Variants in DACH2 observed in about 807,000 individuals in gnomAD.
The protein encoded by DACH2 is dachshund family transcription factor 2.
DACH2 carries 17 observed loss-of-function variants against 35.8 expected under a neutral mutation model. The observed-to-expected ratio is 0.48, with a 90% CI of 0.33 to 0.71. The LOEUF (loss-of-function observed/expected upper bound fraction) is 0.71. Among genes scored for constraint, DACH2 ranks in the 30% least tolerant of loss-of-function variants. The probability of loss-of-function intolerance (pLI) is 0.02; values close to 1 mark genes in which losing one functional copy is unlikely to be tolerated. For missense variants in DACH2, 469 were observed against 472.7 expected (o/e 0.99, Z 0.07); for synonymous variants, 195 against 177.3 (o/e 1.10, Z -0.79).
chrX:86,414,220 C>A (rs2036662582), intron 2 of DACH2, among the ~76,000 whole-genome samples: 1 of 111,192 alleles, frequency 9.0e-6, no homozygotes, highest in African/African-American at 3.3e-5. Context: ...AGTCTTTTGT[C>A]CATTCGACCT....
chrX:86,459,990 G>A (rs1306226488), intron 2 of DACH2, among the ~76,000 whole-genome samples: 1 of 110,446 alleles, frequency 9.1e-6, no homozygotes, highest in Non-Finnish European at 1.9e-5. Context: ...TGAACATCTA[G>A]TTTGCTCCCC....
At chrX:86,642,427 C>T (rs1418099682) in intron 3 of DACH2, among the ~76,000 whole-genome samples, 1 of 111,754 alleles carries the variant, frequency 8.9e-6, no homozygotes, top group Non-Finnish European at 1.9e-5. Flanking sequence ...TATATATGCA[C>T]CCAACACAGG....
At chrX:86,529,967 A>G (rs1000466193) in intron 3 of DACH2, among the ~76,000 whole-genome samples, 4 of 51,869 alleles carry the variant, frequency 7.7e-5, no homozygotes, top group African/African-American at 2.5e-4. Flanking sequence ...ACACACACAC[A>G]CACACACACG....
chrX:86,170,602 G>A (rs1305383981), intron 1 of DACH2, among the ~76,000 whole-genome samples: 1 of 112,124 alleles, frequency 8.9e-6, no homozygotes, highest in South Asian at 3.7e-4. Context: ...CCAATGCAAA[G>A]GAGGCTCACT....
At chrX:86,322,405 GTTCTTTT>G (rs1285611484) in intron 1 of DACH2, among the ~76,000 whole-genome samples, 1 of 110,623 alleles carries the variant, frequency 9.0e-6, no homozygotes, top group East Asian at 2.9e-4. Context: ...TAGTCTCCTT[GTTCTTTT>G]TAGTGTGACC....
At chrX:86,375,516 C>T (rs1021489922) in intron 1 of DACH2, among the ~76,000 whole-genome samples, 8 of 105,165 alleles carry the variant, frequency 7.6e-5, no homozygotes, top group Non-Finnish European at 2.0e-5. Flanking sequence ...CCCTCAAATC[C>T]AGTCATATAT....
intron 1 of DACH2, among the ~76,000 whole-genome samples, chrX:86,205,481 C>T (rs2032278158): frequency 1.9e-5 from 1 of 52,608 alleles, no homozygotes; most frequent in Admixed American, 1.9e-4. Flanking sequence ...TCCCTCCTTC[C>T]CTCCTTCCCT....
chrX:86,334,544 C>T (rs1421402636), intron 1 of DACH2, among the ~76,000 whole-genome samples: 1 of 112,519 alleles, frequency 8.9e-6, no homozygotes, highest in Non-Finnish European at 1.9e-5. Context: ...TTGCTGACTG[C>T]ATAAATGTCT....
chrX:86,315,785 G>A (rs184552419), intron 1 of DACH2, among the ~76,000 whole-genome samples: 349 of 91,398 alleles, frequency 3.8e-3, no homozygotes, highest in Middle Eastern at 0.029. Flanking sequence ...ATTGAGGGTC[G>A]TGGACACACA....
rs961289631 is a variant in DACH2 at position 86,258,473 on chromosome X, G to A, written c.488+109365G>A. On this transcript the variant is annotated intron_variant, in intron 1 of 11. Coordinates refer to ENST00000373125, the MANE Select transcript of DACH2 (RefSeq NM_053281.3). ...CTAAGGGTCATTTTGCCTCTCATCT[G>A]CACGTGCAATATCAACTGAAATAAG... Among the ~76,000 whole-genome samples the A allele has an allele frequency of 2.7e-5, 3 of 111,615 alleles. No individual in the cohort carries two copies. The South Asian group carries it at 1.1e-3, about 42-fold the overall frequency.
At chrX:86,501,128 C>A (rs1255143915) in intron 2 of DACH2, among the ~76,000 whole-genome samples, 1 of 112,500 alleles carries the variant, frequency 8.9e-6, no homozygotes. Context: ...TAAATGCTTG[C>A]TTAACACCTT....
At chrX:86,471,000 G>C (rs941007875) in intron 2 of DACH2, among the ~76,000 whole-genome samples, 2 of 110,778 alleles carry the variant, frequency 1.8e-5, no homozygotes, top group Non-Finnish European at 3.8e-5. Context: ...TGAATTAAAG[G>C]TGTTTTTTAA....
At chrX:86,369,819 T>C (rs1452061253) in intron 1 of DACH2, among the ~76,000 whole-genome samples, 1 of 111,897 alleles carries the variant, frequency 8.9e-6, no homozygotes, top group African/African-American at 3.2e-5. Flanking sequence ...AAACTTTGGC[T>C]ACTCAGAGAA....
intron 1 of DACH2, among the ~76,000 whole-genome samples, chrX:86,188,245 G>A (rs2031736738): frequency 8.9e-6 from 1 of 111,879 alleles, no homozygotes. Context: ...TCTAATTGCT[G>A]TAAATTAAAA....
rs779609605 is a variant in DACH2, at chrX:86,157,177, G to A, written c.488+8069G>A. On this transcript the variant is annotated intron_variant, in intron 1 of 11. Transcript: ENST00000373125. Reference sequence around the variant, plus strand: ...GAAAGTTAAAAAATAATAAGCCACAGTATTTTTATTGCTATATAATATTTT... The same window carrying A: ...GAAAGTTAAAAAATAATAAGCCACAATATTTTTATTGCTATATAATATTTT... Among the ~76,000 whole-genome samples, 41 of 111,364 alleles carry A rather than the reference G, an allele frequency of 3.7e-4. No individual in the cohort carries two copies. In the Admixed American group the frequency reaches 3.7e-3, roughly 10 times the overall value.
intron 7 of DACH2, among the ~76,000 whole-genome samples, chrX:86,773,962 A>G: frequency 8.9e-6 from 1 of 112,034 alleles, no homozygotes; most frequent in East Asian, 2.8e-4. Flanking sequence ...GGATTGCTGA[A>G]TCACATGGTA....
intron 2 of DACH2, among the ~76,000 whole-genome samples, chrX:86,456,815 CACTTTTAAATTT>C (rs1287281992): frequency 2.7e-5 from 3 of 110,100 alleles, no homozygotes; most frequent in Non-Finnish European, 5.7e-5. Flanking sequence ...ATTTCTCCTT[CACTTTTAAATTT>C]ACTTTTGAAG....
rs1177151266 is a variant in DACH2, at chrX:86,400,960, G to A, written c.527+24098G>A. ...GATTATTACTGTCTTTTGTTTGTCG[G>A]TGCCCTGCACCCAGAGGTGGAGCCT... is the stretch of plus-strand genomic sequence containing the variant. On this transcript the variant is annotated intron_variant, in intron 2 of 11. Coordinates refer to ENST00000373125, the MANE Select transcript of DACH2 (RefSeq NM_053281.3). Among the ~76,000 whole-genome samples the A allele has an allele frequency of 8.9e-5, 10 of 112,545 alleles. No individual in the cohort carries two copies. In the East Asian group the frequency reaches 1.7e-3, roughly 19 times the overall value.
chrX:86,787,086 T>G (rs2042144345), intron 7 of DACH2, among the ~76,000 whole-genome samples: 1 of 111,738 alleles, frequency 8.9e-6, no homozygotes, highest in Non-Finnish European at 1.9e-5. Flanking sequence ...GTAAGTCCAT[T>G]AAACCTCTTT....
Sources: gnomAD v4.1 joint callset for allele counts (sites outside exome capture counted in the v4.1 genomes callset) on GRCh38, gnomAD v4.1.1 for gene constraint, MANE v1.5 for transcripts, NCBI Gene and HGNC (gene_info 2026-07-23, HGNC 2026-07-21) for gene names.